Variants in PMF1 observed in about 807,000 individuals in gnomAD.
The protein encoded by PMF1 is polyamine modulated factor 1.
In PMF1, 21 loss-of-function variants were observed where a neutral mutation model predicts 26.7. That is an observed-to-expected ratio of 0.79 (90% confidence interval 0.56 to 1.13). The LOEUF is 1.13. PMF1 is among the 50% of genes most tolerant of loss of function. PMF1 has a pLI of 0.00. For synonymous variants in PMF1, 105 were observed against 101.0 expected (o/e 1.04, Z -0.24); for missense variants, 266 against 254.9 (o/e 1.04, Z -0.30).
chr1:156,219,307 T>C (rs2103082805), intron 1 of PMF1, among the ~76,000 whole-genome samples: 1 of 152,330 alleles, frequency 6.6e-6, no homozygotes, highest in East Asian at 1.9e-4. Flanking sequence ...AGCTGTTTCA[T>C]CGTTTTACTC....
At chr1:156,213,280 T>G in intron 1 of PMF1, 104 bp downstream of exon 1, 1 of 1,517,490 alleles carries the variant, frequency 6.6e-7, no homozygotes, top group Non-Finnish European at 8.9e-7. Flanking sequence ...TGGGTCCGCG[T>G]TGGGGGCGGG....
intron 1 of PMF1, among the ~76,000 whole-genome samples, chr1:156,228,256 ATTTTTTTT>A (rs772709878): frequency 2.6e-3 from 86 of 33,554 alleles, no homozygotes; most frequent in African/African-American, 7.7e-3. Context: ...GCACCTGGCG[ATTTTTTTT>A]TTTTTTTTTT....
At chr1:156,214,224 T>C (rs1318450212) in intron 1 of PMF1, among the ~76,000 whole-genome samples, 1 of 152,160 alleles carries the variant, frequency 6.6e-6, no homozygotes, top group Non-Finnish European at 1.5e-5. Context: ...TTCACTTTTA[T>C]ATAATTTATA....
In PMF1 at chr1:156,213,009, C is replaced by T. The variant is rs1467702269; in HGVS notation, c.-7C>T. The T allele has an allele frequency of 6.2e-7, 1 of 1,614,060 alleles. No homozygotes were observed. The highest frequency in any genetic ancestry group is 8.5e-7 in the Non-Finnish European group (1 of 1,180,000). Reference sequence around the variant, plus strand: ...GGGCCAGTTAGATTTGGAGGTTCAACTTCAACATGGCCGAAGCAAGTAGCG... The same window carrying T: ...GGGCCAGTTAGATTTGGAGGTTCAATTTCAACATGGCCGAAGCAAGTAGCG... On this transcript the variant is annotated 5_prime_UTR_variant, in exon 1 of 5. Transcript: ENST00000368277.
intron 4 of PMF1, among the ~76,000 whole-genome samples, chr1:156,237,446 CTTTTTTTTTT>C (rs33952725): frequency 8.1e-6 from 1 of 123,384 alleles, no homozygotes; most frequent in Non-Finnish European, 1.6e-5. Context: ...TATTTTTTGT[CTTTTTTTTTT>C]TTTTTTTTTA....
chr1:156,236,195 G>T, intron 3 of PMF1, 93 bp from the exon 4 acceptor site: 26 of 1,515,634 alleles, frequency 1.7e-5, no homozygotes, highest in Non-Finnish European at 2.3e-5. Flanking sequence ...GGGACAAGGT[G>T]GGCATGTCAC....
intron 4 of PMF1, among the ~76,000 whole-genome samples, chr1:156,238,317 C>G (rs1194250195): frequency 1.4e-4 from 21 of 152,222 alleles, no homozygotes; most frequent in Non-Finnish European, 1.5e-4. Context: ...CTTCACACAT[C>G]TAACACATAT....
At chr1:156,225,308 T>TTTTA (rs1553279855) in intron 1 of PMF1, among the ~76,000 whole-genome samples, 5 of 133,910 alleles carry the variant, frequency 3.7e-5, no homozygotes, top group Admixed American at 1.5e-4. Flanking sequence ...TTTTTTTTTT[T>TTTTA]AATTTCAGTA....
At chr1:156,236,994 T>C (rs577225053) in intron 4 of PMF1, 112 of 158,544 alleles carry the variant, frequency 7.1e-4, no homozygotes, top group African/African-American at 2.3e-3. Context: ...GAACGTGCAG[T>C]GATCAAGTCA....
At chr1:156,227,759 A>G (rs1207839067) in intron 1 of PMF1, among the ~76,000 whole-genome samples, 5 of 151,548 alleles carry the variant, frequency 3.3e-5, no homozygotes, top group African/African-American at 9.7e-5. Context: ...TAGCCTCCCA[A>G]AGTGCTGGGA....
intron 1 of PMF1, among the ~76,000 whole-genome samples, chr1:156,217,727 C>CAAA (rs10659605): frequency 1.2e-5 from 1 of 83,336 alleles, no homozygotes; most frequent in Admixed American, 1.3e-4. Flanking sequence ...GTCTCCAACT[C>CAAA]AAAAAAAAAA....
chr1:156,234,944 G>T (rs539230957), intron 3 of PMF1, among the ~76,000 whole-genome samples: 1 of 152,244 alleles, frequency 6.6e-6, no homozygotes, highest in African/African-American at 2.4e-5. Context: ...GGCCTGGGAT[G>T]AGCCGTGGAG....
At chr1:156,234,743 A>G (rs1217362122) in intron 3 of PMF1, among the ~76,000 whole-genome samples, 2 of 152,068 alleles carry the variant, frequency 1.3e-5, no homozygotes, top group African/African-American at 4.8e-5. Context: ...TCCTGACCTC[A>G]GGTGATCCTC....
chr1:156,226,616 T>G (rs2842868), intron 1 of PMF1, among the ~76,000 whole-genome samples: 39,138 of 152,194 alleles, frequency 0.26, 5,377 homozygotes, highest in Non-Finnish European at 0.29. Flanking sequence ...ATGAAGCATT[T>G]CAATGTGCTG....
At chr1:156,227,792 C>G (rs1658452193) in intron 1 of PMF1, among the ~76,000 whole-genome samples, 1 of 151,840 alleles carries the variant, frequency 6.6e-6, no homozygotes, top group Non-Finnish European at 1.5e-5. Context: ...GCCACTGCGC[C>G]TGGCCTTAAA....
intron 4 of PMF1, among the ~76,000 whole-genome samples, chr1:156,238,169 T>G (rs1467723862): frequency 6.6e-6 from 1 of 152,250 alleles, no homozygotes; most frequent in Non-Finnish European, 1.5e-5. Context: ...CCATGCTGTT[T>G]TGGTTACTAG....
At chr1:156,229,478 A>G (rs1353731685) in intron 1 of PMF1, among the ~76,000 whole-genome samples, 3 of 151,806 alleles carry the variant, frequency 2.0e-5, no homozygotes, top group Non-Finnish European at 4.4e-5. Context: ...CACCAGACAG[A>G]GACAATATAT....
chr1:156,239,692 G>A lies in PMF1; in HGVS notation c.*91G>A, dbSNP rs1286941926. ...CCTGGGCGGGCTACCTCTGAGAACGGCTGAAATGGTGCCCAGTCCATCAGC... is the reference window on the plus strand; with the variant it reads ...CCTGGGCGGGCTACCTCTGAGAACGACTGAAATGGTGCCCAGTCCATCAGC... On this transcript the variant is annotated 3_prime_UTR_variant, in exon 5 of 5. Coordinates refer to ENST00000368277, the MANE Select transcript of PMF1 (RefSeq NM_007221.4). 3 of 1,025,380 alleles carry A rather than the reference G, an allele frequency of 2.9e-6. No individual in the cohort carries two copies. The highest frequency in any genetic ancestry group is 4.6e-6 in the Non-Finnish European group (3 of 654,358). 63.5% of individuals were successfully genotyped at this position (1,025,380 alleles called of 1,614,324 possible).
At position 156,213,066 on chromosome 1, in the gene PMF1, G is replaced by A. The variant is rs140235017; in HGVS notation, c.51G>A (p.Arg17=). ...ANLGSGCEEK[R]HEGSSSESVP... ...TAGGCAGCGGCTGTGAGGAAAAAAGGCATGAGGGGTCGTCTTCGGAATCTG... is the reference window on the plus strand; with the variant it reads ...TAGGCAGCGGCTGTGAGGAAAAAAGACATGAGGGGTCGTCTTCGGAATCTG... The change falls in exon 1 of 5, where the codon AGG becomes AGA. Residue 17 remains arginine, a synonymous_variant. Transcript: ENST00000368277. 20 of 1,614,108 alleles carry A rather than the reference G, an allele frequency of 1.2e-5. No individual in the cohort carries two copies. The African/African-American group carries it at 2.4e-4, about 19-fold the overall frequency.
Sources: gnomAD v4.1 joint callset for allele counts (sites outside exome capture counted in the v4.1 genomes callset) on GRCh38, gnomAD v4.1.1 for gene constraint, MANE v1.5 for transcripts, NCBI Gene and HGNC (gene_info 2026-07-23, HGNC 2026-07-21) for gene names.